The following FAM13B variants were observed in gnomAD, a reference collection of about 807,000 sequenced individuals.
FAM13B encodes family with sequence similarity 13 member B, also known as protein FAM13B.
FAM13B carries 60 observed loss-of-function variants against 117.3 expected under a neutral mutation model. That is an observed-to-expected ratio of 0.51 (90% CI 0.42 to 0.63). FAM13B has a LOEUF of 0.63. FAM13B is among the 30% of genes least tolerant of loss of function. The pLI is 0.00. For synonymous variants in FAM13B, 332 were observed against 356.1 expected (o/e 0.93, Z 0.76); for missense variants, 972 against 1,091.9 (o/e 0.89, Z 1.55).
chr5:138,045,169 A>T (rs1791606122), intron 1 of FAM13B, among the ~76,000 whole-genome samples: 1 of 152,226 alleles, frequency 6.6e-6, no homozygotes, highest in African/African-American at 2.4e-5. Flanking sequence ...TAATTCTAAT[A>T]GTCCAAAAAT....
At chr5:137,980,122 C>A (rs1581160142) in intron 10 of FAM13B, among the ~76,000 whole-genome samples, 1 of 149,574 alleles carries the variant, frequency 6.7e-6, no homozygotes, top group Non-Finnish European at 1.5e-5. Context: ...GCACTGAGCC[C>A]ACATCACACG....
intron 20 of FAM13B, among the ~76,000 whole-genome samples, 165 bp downstream of exon 20, chr5:137,945,737 G>C (rs552589101): frequency 8.5e-5 from 13 of 152,280 alleles, no homozygotes; most frequent in Admixed American, 7.2e-4. Flanking sequence ...GGATATACTA[G>C]CAGACATTAT....
At chr5:137,956,621 A>C in intron 13 of FAM13B, 79 bp from the exon 14 acceptor site, 1 of 962,346 alleles carries the variant, frequency 1.0e-6, no homozygotes, top group Middle Eastern at 2.2e-4. Flanking sequence ...ACATAACACA[A>C]AGCCAAAGAT....
At chr5:137,991,219 A>C (rs770772502) in intron 7 of FAM13B, among the ~76,000 whole-genome samples, 3 of 152,254 alleles carry the variant, frequency 2.0e-5, no homozygotes, top group Non-Finnish European at 4.4e-5. Flanking sequence ...ATTTTTAAGA[A>C]AGAAATATCA....
intron 10 of FAM13B, among the ~76,000 whole-genome samples, chr5:137,981,591 G>T (rs928090095): frequency 3.9e-5 from 6 of 152,258 alleles, no homozygotes; most frequent in Middle Eastern, 3.4e-3. Context: ...TTTGAGACCA[G>T]CCTGGCCAAC....
At chr5:137,949,798 CAA>C (rs67597641) in intron 17 of FAM13B, among the ~76,000 whole-genome samples, 278 of 130,110 alleles carry the variant, frequency 2.1e-3, no homozygotes, top group Non-Finnish European at 1.7e-3. Context: ...GACTCTGTCT[CAA>C]AAAAAAAAAA....
At chr5:137,952,603 T>A (rs765247336) in intron 17 of FAM13B, 25 bp downstream of exon 17, 2 of 1,451,258 alleles carry the variant, frequency 1.4e-6, no homozygotes, top group East Asian at 4.7e-5. Context: ...AATGCAAATA[T>A]ATTACAAAAT....
At chr5:137,977,293 C>T (rs1374282198) in intron 10 of FAM13B, among the ~76,000 whole-genome samples, 1 of 152,184 alleles carries the variant, frequency 6.6e-6, no homozygotes, top group Non-Finnish European at 1.5e-5. Flanking sequence ...ACTTCATCAG[C>T]AATTTTAATT....
rs1561728580 is a variant in FAM13B at position 137,944,777 on chromosome 5, A to ACC, written c.2340+1124_2340+1125insGG. Reference sequence around the variant, plus strand: ...CATCTCAAAAACAAAAAAAAAAAAAAACAAAATCATGTCCTTTGGGATAAC... The same window carrying ACC: ...CATCTCAAAAACAAAAAAAAAAAAAACCACAAAATCATGTCCTTTGGGATAAC... On this transcript the variant is annotated intron_variant, in intron 20 of 23. Coordinates refer to ENST00000689681, the MANE Select transcript of FAM13B (RefSeq NM_001385994.1). 2.2e-4 allele frequency among the ~76,000 whole-genome samples: 33 copies of ACC among 150,872 alleles called. No individual in the cohort carries two copies. In the South Asian group the frequency reaches 2.9e-3, roughly 13 times the overall value.
At chr5:137,946,341 AC>A in intron 18 of FAM13B, 30 bp from the exon 19 acceptor site, 13 of 1,437,346 alleles carry the variant, frequency 9.0e-6, no homozygotes, top group South Asian at 2.6e-5. Flanking sequence ...ATAACAAAAT[AC>A]AAAAAAAAAA....
chr5:137,962,792 T>G (rs1192605713), intron 10 of FAM13B, among the ~76,000 whole-genome samples: 3 of 152,084 alleles, frequency 2.0e-5, no homozygotes, highest in Non-Finnish European at 2.9e-5. Flanking sequence ...GCTGCTTGCT[T>G]TATTTCTCCT....
intron 4 of FAM13B, among the ~76,000 whole-genome samples, chr5:138,013,140 T>C (rs1322231784): frequency 6.6e-6 from 1 of 151,966 alleles, no homozygotes; most frequent in African/African-American, 2.4e-5. Flanking sequence ...GAGGCAGTGG[T>C]TGCAGTAAGC....
At chr5:138,031,464 G>A (rs1789986052) in intron 1 of FAM13B, among the ~76,000 whole-genome samples, 1 of 152,100 alleles carries the variant, frequency 6.6e-6, no homozygotes, top group Non-Finnish European at 1.5e-5. Flanking sequence ...GAGGCAGGCG[G>A]ATCACTTGAG....
chr5:137,938,852 C>T lies in FAM13B; in HGVS notation c.*1373G>A, dbSNP rs1177220761. ...GTTAATATTAGCTAGTTAAGAAAACCATGCATGAGTCATTGCATGCAAAAC... is the reference window on the plus strand; with the variant it reads ...GTTAATATTAGCTAGTTAAGAAAACTATGCATGAGTCATTGCATGCAAAAC... On this transcript the variant is annotated 3_prime_UTR_variant, in exon 24 of 24. Coordinates refer to ENST00000689681, the MANE Select transcript of FAM13B (RefSeq NM_001385994.1). 3 of 152,088 alleles carry T rather than the reference C, an allele frequency of 2.0e-5. No individual in the cohort carries two copies. Among genetic ancestry groups the T allele is most frequent in the East Asian group, 3.9e-4 (2 of 5,186 alleles). The allele number at this position is 152,088 out of a possible 1,614,324, so 9.4% of individuals were successfully genotyped here.
At chr5:137,970,255 G>A (rs557196606) in intron 10 of FAM13B, among the ~76,000 whole-genome samples, 31 of 151,992 alleles carry the variant, frequency 2.0e-4, no homozygotes, top group South Asian at 4.2e-4. Flanking sequence ...GACTAACAGC[G>A]GATCTCTCAG....
chr5:137,967,608 C>T (rs1194687447), intron 10 of FAM13B, among the ~76,000 whole-genome samples: 3 of 151,992 alleles, frequency 2.0e-5, no homozygotes, highest in Admixed American at 6.6e-5. Context: ...ACAGAAAAGA[C>T]GAGACCCATC....
chr5:137,949,798 CAAA>C (rs67597641), intron 17 of FAM13B, among the ~76,000 whole-genome samples: 20 of 130,130 alleles, frequency 1.5e-4, no homozygotes, highest in Admixed American at 1.5e-4. Flanking sequence ...GACTCTGTCT[CAAA>C]AAAAAAAAAA....
chr5:137,970,084 C>T (rs1247718708), intron 10 of FAM13B, among the ~76,000 whole-genome samples: 3 of 152,056 alleles, frequency 2.0e-5, no homozygotes, highest in Middle Eastern at 3.4e-3. Context: ...GGCAGGCCAA[C>T]GTTCAGATTC....
intron 7 of FAM13B, among the ~76,000 whole-genome samples, chr5:138,003,968 TTAAAGAATCC>T (rs1781902894): frequency 6.6e-6 from 1 of 152,116 alleles, no homozygotes; most frequent in Admixed American, 6.6e-5. Context: ...GGAGCTGCAA[TTAAAGAATCC>T]TAACAACTGG....
Sources: gnomAD v4.1 joint callset for allele counts (sites outside exome capture counted in the v4.1 genomes callset) on GRCh38, gnomAD v4.1.1 for gene constraint, MANE v1.5 for transcripts, NCBI Gene and HGNC (gene_info 2026-07-23, HGNC 2026-07-21) for gene names.